Variants in TENM4 observed in about 807,000 individuals in gnomAD.
TENM4 encodes the protein teneurin transmembrane protein 4, also known as teneurin-4.
In TENM4, 82 loss-of-function variants were observed where a neutral mutation model predicts 243.3. The ratio of observed to expected loss-of-function variants is 0.34; its 90% CI spans 0.28 to 0.40. TENM4 has a LOEUF of 0.40. Among genes scored for constraint, TENM4 ranks in the 10% least tolerant of loss-of-function variants. TENM4 has a pLI of 1.00. For synonymous variants in TENM4, 1,412 were observed against 1,456.3 expected, an observed-to-expected ratio of 0.97 and a Z score of 0.69; for missense variants, 3,138 against 3,673.3, an observed-to-expected ratio of 0.85 and a Z score of 3.77.
intron 1 of TENM4, among the ~76,000 whole-genome samples, chr11:79,409,047 T>C (rs562404109): frequency 6.6e-6 from 1 of 151,372 alleles, no homozygotes; most frequent in East Asian, 1.9e-4. Context: ...AAGTGTTGTC[T>C]ATGAGGGATA....
At chr11:78,865,447 T>C (rs1345648238) in intron 9 of TENM4, among the ~76,000 whole-genome samples, 1 of 152,172 alleles carries the variant, frequency 6.6e-6, no homozygotes, top group Non-Finnish European at 1.5e-5. Context: ...GGGTGGGCGT[T>C]ACAAAGACAT....
At chr11:78,754,800 A>C (rs1856268033) in intron 19 of TENM4, among the ~76,000 whole-genome samples, 1 of 152,044 alleles carries the variant, frequency 6.6e-6, no homozygotes, top group Non-Finnish European at 1.5e-5. Flanking sequence ...AAGTTACTTA[A>C]CCTCTCAGCT....
chr11:79,343,214 G>T (rs1857270702), intron 1 of TENM4, among the ~76,000 whole-genome samples: 1 of 152,262 alleles, frequency 6.6e-6, no homozygotes, highest in South Asian at 2.1e-4. Flanking sequence ...AGCACTCTGT[G>T]CCCAGCATGG....
Position 78,883,048 on chromosome 11 carries a change from T to G in TENM4, c.1084+6737A>C, listed in dbSNP as rs1855469483. On this transcript the variant is annotated intron_variant, in intron 9 of 33. Coordinates refer to ENST00000278550, the MANE Select transcript of TENM4 (RefSeq NM_001098816.3). ...CCCTTTATATCCTGGTGCAATTTCCTAGAGATATAGAAATACAGACTAGGA... is the reference window on the plus strand; with the variant it reads ...CCCTTTATATCCTGGTGCAATTTCCGAGAGATATAGAAATACAGACTAGGA... 6.6e-5 allele frequency among the ~76,000 whole-genome samples: 10 copies of G among 152,196 alleles called. No homozygotes were observed. In the South Asian group the frequency reaches 2.1e-3, roughly 32 times the overall value.
chr11:78,856,414 C>G (rs1858683277), intron 10 of TENM4, among the ~76,000 whole-genome samples: 2 of 152,092 alleles, frequency 1.3e-5, no homozygotes, highest in African/African-American at 4.8e-5. Flanking sequence ...TGCATTCTTC[C>G]AAAGCAGTAT....
chr11:79,243,328 C>A (rs190755934), intron 2 of TENM4, among the ~76,000 whole-genome samples: 2 of 152,106 alleles, frequency 1.3e-5, no homozygotes, highest in Non-Finnish European at 2.9e-5. Context: ...TCGTTGTACT[C>A]GGACACATCT....
Position 78,783,062 on chromosome 11 carries a change from T to C in TENM4, c.2365+3836A>G, listed in dbSNP as rs114844210. On this transcript the variant is annotated intron_variant, in intron 16 of 33. Coordinates refer to ENST00000278550, the MANE Select transcript of TENM4 (RefSeq NM_001098816.3). ...CAGAAGCTGGCATTTTCTACAGGTG[T>C]TTTCTTTACTTTAGAGACAAGGGGC... Among the ~76,000 whole-genome samples, 1,047 of 152,278 alleles carry C rather than the reference T, an allele frequency of 6.9e-3. 8 individuals carry two copies. The highest frequency in any genetic ancestry group is 0.024 in the African/African-American group (1,002 of 41,544).
At chr11:78,733,515 G>A (rs889827222) in intron 20 of TENM4, among the ~76,000 whole-genome samples, 20 of 152,160 alleles carry the variant, frequency 1.3e-4, no homozygotes, top group African/African-American at 4.6e-4. Flanking sequence ...AATATCTTGT[G>A]CCCAAACAGG....
intron 1 of TENM4, among the ~76,000 whole-genome samples, chr11:79,336,687 G>A (rs1409511279): frequency 6.6e-6 from 1 of 152,170 alleles, no homozygotes; most frequent in Non-Finnish European, 1.5e-5. Context: ...CTATGAACAT[G>A]CAATAATTAA....
chr11:78,885,468 A>C (rs1225351819), intron 9 of TENM4, among the ~76,000 whole-genome samples: 1 of 152,218 alleles, frequency 6.6e-6, no homozygotes, highest in East Asian at 1.9e-4. Context: ...CCAGGAGAGG[A>C]GGAGATGGCC....
rs1487557095 is a variant in TENM4 at position 78,948,592 on chromosome 11, C to T, written c.494-45069G>A. ...CTCACAGTGTTAGCCAGGATGGTCT[C>T]GATCTCCTGACCTCGTGATCTGCCT... On this transcript the variant is annotated intron_variant, in intron 6 of 33. Transcript: ENST00000278550. 2.0e-5 allele frequency among the ~76,000 whole-genome samples: 3 copies of T among 152,280 alleles called. No individual in the cohort carries two copies. The South Asian group carries it at 6.2e-4, about 32-fold the overall frequency.
chr11:78,891,993 C>G (rs1198286836), intron 7 of TENM4, among the ~76,000 whole-genome samples: 1 of 152,178 alleles, frequency 6.6e-6, no homozygotes, highest in Non-Finnish European at 1.5e-5. Flanking sequence ...GCCTGAGGAT[C>G]TGTATTTCTC....
intron 12 of TENM4, among the ~76,000 whole-genome samples, chr11:78,829,046 G>C (rs1251168009): frequency 6.6e-6 from 1 of 152,244 alleles, no homozygotes; most frequent in African/African-American, 2.4e-5. Context: ...TCAGCTATCT[G>C]TATGCCTAGA....
chr11:79,223,562 G>A (rs1432297442), intron 2 of TENM4, among the ~76,000 whole-genome samples: 1 of 152,068 alleles, frequency 6.6e-6, no homozygotes, highest in Non-Finnish European at 1.5e-5. Flanking sequence ...TATTGTCACT[G>A]GGGGAGAAGA....
intron 6 of TENM4, among the ~76,000 whole-genome samples, chr11:78,963,851 C>A (rs1305211846): frequency 6.6e-6 from 1 of 151,438 alleles, no homozygotes; most frequent in Non-Finnish European, 1.5e-5. Flanking sequence ...CCTGCCTCAG[C>A]CTCACAAGTA....
chr11:79,386,278 C>A (rs1858110130), intron 1 of TENM4, among the ~76,000 whole-genome samples: 1 of 152,116 alleles, frequency 6.6e-6, no homozygotes, highest in Non-Finnish European at 1.5e-5. Flanking sequence ...AAATGGGCCA[C>A]AAACCTAAAT....
At chr11:78,704,034 T>TAC (rs375601895) in intron 27 of TENM4, among the ~76,000 whole-genome samples, 2,235 of 138,228 alleles carry the variant, frequency 0.016, 20 homozygotes, top group South Asian at 0.022. Context: ...CATATATATA[T>TAC]ACACACACAC....
chr11:79,398,663 CAG>C (rs1237091803), intron 1 of TENM4, among the ~76,000 whole-genome samples: 1 of 143,766 alleles, frequency 7.0e-6, no homozygotes, highest in African/African-American at 2.6e-5. Flanking sequence ...GGGATGATCA[CAG>C]AATATATTCA....
chr11:79,388,797 G>A (rs1858169886), intron 1 of TENM4, among the ~76,000 whole-genome samples: 1 of 152,204 alleles, frequency 6.6e-6, no homozygotes, highest in African/African-American at 2.4e-5. Flanking sequence ...GCTAAAGCAT[G>A]ACAAAATACA....
Sources: allele counts gnomAD v4.1 joint callset (sites outside exome capture counted in the v4.1 genomes callset), GRCh38; gene constraint gnomAD v4.1.1; transcripts MANE v1.5; gene names NCBI Gene and HGNC (gene_info 2026-07-23, HGNC 2026-07-21).